KAT14: variants seen among roughly 807,000 people sequenced by gnomAD.
KAT14 encodes lysine acetyltransferase 14, also known as cysteine-rich protein 2-binding protein.
KAT14 carries 66 observed loss-of-function variants against 78.4 expected under a neutral mutation model. The ratio of observed to expected loss-of-function variants is 0.84; its 90% CI spans 0.69 to 1.03. KAT14 has a LOEUF of 1.03. Ranked by LOEUF, KAT14 falls within the 50% of genes least tolerant of loss-of-function variation. KAT14 has a pLI of 0.00. For synonymous variants in KAT14, 344 were observed against 359.4 expected (o/e 0.96, Z 0.48); for missense variants, 870 against 972.5 (o/e 0.89, Z 1.40).
chr20:18,172,475 T>C (rs1306723576), intron 7 of KAT14, among the ~76,000 whole-genome samples: 2 of 151,898 alleles, frequency 1.3e-5, no homozygotes, highest in Non-Finnish European at 2.9e-5. Flanking sequence ...TGGCTCACTG[T>C]AGCTGTCAGT....
chr20:18,182,514 A>G (rs528995309), intron 8 of KAT14, among the ~76,000 whole-genome samples: 6 of 152,350 alleles, frequency 3.9e-5, no homozygotes, highest in East Asian at 3.9e-4. Flanking sequence ...CTCCATCTGG[A>G]CTGGATGTAT....
intron 7 of KAT14, among the ~76,000 whole-genome samples, chr20:18,173,532 C>A (rs1382528141): frequency 1.3e-5 from 2 of 152,096 alleles, no homozygotes; most frequent in African/African-American, 4.8e-5. Flanking sequence ...CTGCTGTGAT[C>A]TAGGAAATTC....
chr20:18,146,872 T>C (rs564109425), intron 3 of KAT14, among the ~76,000 whole-genome samples: 22 of 152,070 alleles, frequency 1.4e-4, no homozygotes, highest in African/African-American at 4.8e-4. Flanking sequence ...TATATATTAC[T>C]TAGTTTTTAT....
intron 9 of KAT14, among the ~76,000 whole-genome samples, chr20:18,184,310 G>T (rs2039374484): frequency 6.6e-6 from 1 of 152,116 alleles, no homozygotes; most frequent in Non-Finnish European, 1.5e-5. Context: ...GCCACACATG[G>T]TAGAGGAGGC....
intron 2 of KAT14, 101 bp downstream of exon 2, chr20:18,143,020 A>G (rs984636401): frequency 4.1e-6 from 6 of 1,473,878 alleles, no homozygotes; most frequent in Admixed American, 2.5e-5. Flanking sequence ...CCTAAATAAA[A>G]GGATAATTAT....
chr20:18,162,909 C>A lies in KAT14; in HGVS notation c.1632C>A (p.Thr544=). The change falls in exon 7 of 11, where the codon ACC becomes ACA. Residue 544 remains threonine (T), a synonymous_variant. Coordinates refer to ENST00000688188, the MANE Select transcript of KAT14 (RefSeq NM_001392073.1). Reference sequence around the variant, plus strand: ...CAGCTGGACAAGCCACGTACAGAACCACCTGTCAGGACTTCAGAATCCTTG... The same window carrying A: ...CAGCTGGACAAGCCACGTACAGAACAACCTGTCAGGACTTCAGAATCCTTG... ...RLPAGQATYR[T]TCQDFRILDR... is the part of the protein sequence containing the mutation. 4 of 1,614,150 alleles carry A rather than the reference C, an allele frequency of 2.5e-6. No individual in the cohort carries two copies. Among genetic ancestry groups the A allele is most frequent in the Non-Finnish European group, 3.4e-6 (4 of 1,180,032 alleles).
chr20:18,142,601 C>A lies in KAT14; in HGVS notation c.-60C>A. On this transcript the variant is annotated 5_prime_UTR_variant, in exon 2 of 11. Transcript: ENST00000688188. ...ATCCTGGTAGAAGCCCCATTAGGGT[C>A]ACTGTCCAGTGCTTAGGGTTGTTAC... 1 of 1,599,972 alleles carries A rather than the reference C, an allele frequency of 6.3e-7. No homozygotes were observed. Among genetic ancestry groups the A allele is most frequent in the South Asian group, 1.1e-5 (1 of 88,946 alleles).
chr20:18,144,482 C>T (rs1669353777), intron 2 of KAT14, among the ~76,000 whole-genome samples: 1 of 152,178 alleles, frequency 6.6e-6, no homozygotes, highest in African/African-American at 2.4e-5. Flanking sequence ...TCTCCACAGC[C>T]TCCATTCTCC....
intron 7 of KAT14, among the ~76,000 whole-genome samples, chr20:18,167,280 C>T (rs1335662035): frequency 6.6e-6 from 1 of 152,190 alleles, no homozygotes; most frequent in African/African-American, 2.4e-5. Flanking sequence ...TTAGCTTACC[C>T]AAAGCCACTT....
chr20:18,145,202 C>T (rs1462994803), intron 2 of KAT14, 31 bp from the exon 3 acceptor site: 38 of 1,611,660 alleles, frequency 2.4e-5, no homozygotes, highest in African/African-American at 6.7e-5. Flanking sequence ...TCTAGATAAA[C>T]CCATGATGTG....
At chr20:18,141,485 G>A (rs1361661137) in intron 1 of KAT14, among the ~76,000 whole-genome samples, 1 of 152,018 alleles carries the variant, frequency 6.6e-6, no homozygotes, top group African/African-American at 2.4e-5. Context: ...TTTTTCTGTT[G>A]GTGTTTATTG....
rs1237034242 is a variant in KAT14, at chr20:18,142,600, T to G, written c.-61T>G. On this transcript the variant is annotated 5_prime_UTR_variant, in exon 2 of 11. Coordinates refer to ENST00000688188, the MANE Select transcript of KAT14 (RefSeq NM_001392073.1). The stretch of plus-strand genomic sequence containing the variant: ...GATCCTGGTAGAAGCCCCATTAGGG[T>G]CACTGTCCAGTGCTTAGGGTTGTTA... 6.3e-7 allele frequency: 1 copy of G among 1,599,332 alleles called. No individual in the cohort carries two copies. Among genetic ancestry groups the G allele is most frequent in the African/African-American group, 1.3e-5 (1 of 74,632 alleles).
At position 18,174,657 on chromosome 20, in the gene KAT14, G is replaced by A. The variant is rs181157722; in HGVS notation, c.1669-7053G>A. ...TAGTTTGTTATCCTTTTGTTTTCTT[G>A]CTTTTTTTTTTATTTTTTTTTTTGA... On this transcript the variant is annotated intron_variant, in intron 7 of 10. Coordinates refer to ENST00000688188, the MANE Select transcript of KAT14 (RefSeq NM_001392073.1). Among the ~76,000 whole-genome samples the A allele has an allele frequency of 9.5e-5, 13 of 136,446 alleles. No individual in the cohort carries two copies. The East Asian group carries it at 3.4e-3, about 36-fold the overall frequency. The allele number at this position is 136,446 out of a possible 152,430, so 89.5% of individuals were successfully genotyped here.
chr20:18,157,250 C>T (rs1051061991), intron 4 of KAT14, among the ~76,000 whole-genome samples: 2 of 152,172 alleles, frequency 1.3e-5, no homozygotes, highest in Non-Finnish European at 2.9e-5. Context: ...GGGTTTCACC[C>T]TGTCACCCAG....
rs569482372 is a variant in KAT14, at chr20:18,179,283, C to T, written c.1669-2427C>T. Reference sequence around the variant, plus strand: ...CTGGGGTCTGAAGGACGGTGGCCCTCTTCTCACAGCTAGGCACTGCCCCAG... The same window carrying T: ...CTGGGGTCTGAAGGACGGTGGCCCTTTTCTCACAGCTAGGCACTGCCCCAG... On this transcript the variant is annotated intron_variant, in intron 7 of 10. Coordinates refer to ENST00000688188, the MANE Select transcript of KAT14 (RefSeq NM_001392073.1). Among the ~76,000 whole-genome samples, 4 of 152,336 alleles carry T rather than the reference C, an allele frequency of 2.6e-5. No individual in the cohort carries two copies. In the South Asian group the frequency reaches 8.3e-4, roughly 32 times the overall value.
chr20:18,155,406 G>C (rs1430067408), intron 4 of KAT14, among the ~76,000 whole-genome samples: 1 of 152,124 alleles, frequency 6.6e-6, no homozygotes, highest in Non-Finnish European at 1.5e-5. Flanking sequence ...AGCTGTGTGT[G>C]TGTTCCTGGA....
At chr20:18,161,743 A>G (rs1046330096) in intron 5 of KAT14, 80 bp from the exon 6 acceptor site, 5 of 1,519,280 alleles carry the variant, frequency 3.3e-6, no homozygotes, top group South Asian at 1.3e-5. Context: ...AAAGCCGAAA[A>G]CATCTGAAAT....
chr20:18,173,518 T>C (rs1051835646), intron 7 of KAT14, among the ~76,000 whole-genome samples: 7 of 152,232 alleles, frequency 4.6e-5, no homozygotes, highest in African/African-American at 1.4e-4. Flanking sequence ...AGTCCTTGGA[T>C]ATGCTGCTGT....
intron 7 of KAT14, among the ~76,000 whole-genome samples, chr20:18,180,149 A>G (rs1416443498): frequency 6.6e-6 from 1 of 152,178 alleles, no homozygotes; most frequent in Admixed American, 6.5e-5. Context: ...GATTACAGGC[A>G]TGAGCCACCA....
Sources: gnomAD v4.1 joint callset for allele counts (sites outside exome capture counted in the v4.1 genomes callset) on GRCh38, gnomAD v4.1.1 for gene constraint, MANE v1.5 for transcripts, NCBI Gene and HGNC (gene_info 2026-07-23, HGNC 2026-07-21) for gene names.